Variants in TOX2 observed in about 807,000 individuals in gnomAD.
TOX2 encodes granulosa cell HMG box 1.
TOX2 carries 15 observed loss-of-function variants against 47.4 expected under a neutral mutation model. The ratio of observed to expected loss-of-function variants is 0.32; its 90% CI spans 0.21 to 0.49. The LOEUF is 0.49. Among genes scored for constraint, TOX2 ranks in the 20% least tolerant of loss-of-function variants. The probability of loss-of-function intolerance (pLI) is 0.99; values close to 1 mark genes in which losing one functional copy is unlikely to be tolerated. For missense variants in TOX2, 622 were observed against 673.1 expected (o/e 0.92, Z 0.84); for synonymous variants, 290 against 296.6 (o/e 0.98, Z 0.23).
At chr20:43,977,380 G>C (rs1004599746) in intron 2 of TOX2, among the ~76,000 whole-genome samples, 1 of 152,120 alleles carries the variant, frequency 6.6e-6, no homozygotes, top group Non-Finnish European at 1.5e-5. Context: ...CAAAGTGGTG[G>C]GATTACAGGC....
intron 3 of TOX2, among the ~76,000 whole-genome samples, chr20:44,024,702 A>G (rs577004272): frequency 6.6e-6 from 1 of 152,218 alleles, no homozygotes; most frequent in Non-Finnish European, 1.5e-5. Flanking sequence ...AAACTGCACC[A>G]TCCACAAATA....
At chr20:44,022,058 C>G (rs554212175) in intron 3 of TOX2, among the ~76,000 whole-genome samples, 2 of 152,334 alleles carry the variant, frequency 1.3e-5, no homozygotes, top group East Asian at 3.9e-4. Context: ...GGCCCGTCAC[C>G]CACACATGCG....
At chr20:43,993,051 C>G (rs373421376) in intron 2 of TOX2, among the ~76,000 whole-genome samples, 2 of 152,064 alleles carry the variant, frequency 1.3e-5, no homozygotes, top group South Asian at 2.1e-4. Context: ...GTTCGAGTCC[C>G]CGCTGAATGA....
At position 44,051,389 on chromosome 20, in the gene TOX2, C is replaced by T. The variant is rs1338888873; in HGVS notation, c.495C>T (p.Ala165=). 36 of 1,613,954 alleles carry T rather than the reference C, an allele frequency of 2.2e-5. No individual in the cohort carries two copies. The highest frequency in any genetic ancestry group is 2.9e-5 in the Non-Finnish European group (34 of 1,179,992). Residue 165 remains alanine (A), a synonymous_variant, in exon 4 of 9, where the codon GCC becomes GCT. Coordinates refer to ENST00000341197, the MANE Select transcript of TOX2 (RefSeq NM_001098797.2). ...TGCTGGGTCGCCCGGCAATGCTGGC[C>T]AGCCACATGAGTGCCCTCAGCCAGT... The part of the protein sequence containing the change: ...GPLLGRPAML[A]SHMSALSQSQ...
At chr20:43,939,362 G>A (rs1334146511) in intron 1 of TOX2, among the ~76,000 whole-genome samples, 8 of 152,210 alleles carry the variant, frequency 5.3e-5, no homozygotes, top group African/African-American at 1.7e-4. Context: ...GAGGAGTTGA[G>A]TAAGAAGAAA....
rs77131391 is a variant in TOX2 at position 44,029,625 on chromosome 20, C to T, written c.412-21681C>T. 3.3e-5 allele frequency among the ~76,000 whole-genome samples: 5 copies of T among 152,266 alleles called. No homozygotes were observed. The East Asian group carries it at 7.7e-4, about 24-fold the overall frequency. ...GTGGCAAACCCATGTTCCAGTCACCCGCTTCTGCAGTTAGGATCCCCATGG... is the reference window on the plus strand; with the variant it reads ...GTGGCAAACCCATGTTCCAGTCACCTGCTTCTGCAGTTAGGATCCCCATGG... On this transcript the variant is annotated intron_variant, in intron 3 of 8. Transcript: ENST00000341197.
intron 2 of TOX2, among the ~76,000 whole-genome samples, chr20:43,977,562 G>A (rs1004497538): frequency 1.3e-5 from 2 of 152,026 alleles, no homozygotes; most frequent in African/African-American, 4.8e-5. Context: ...TTTCACCGCC[G>A]CTCTACGGGC....
At chr20:43,973,923 G>A (rs1228205901) in intron 2 of TOX2, among the ~76,000 whole-genome samples, 1 of 152,192 alleles carries the variant, frequency 6.6e-6, no homozygotes, top group Non-Finnish European at 1.5e-5. Flanking sequence ...GGTCTTACTG[G>A]TGGCAAAGGA....
In TOX2 at chr20:43,951,713, T is replaced by G. The variant is rs971444939; in HGVS notation, c.100-21654T>G. ...TTACTATTAAACTTATTATGTTTTT[T>G]TTTTTTTTTTTTTTTAGAGAAAGGG... is the stretch of plus-strand genomic sequence containing the variant. On this transcript the variant is annotated intron_variant, in intron 1 of 8. Transcript: ENST00000341197. Among the ~76,000 whole-genome samples the G allele has an allele frequency of 2.2e-3, 270 of 120,564 alleles. 11 individuals are homozygous for G. Among genetic ancestry groups the G allele is most frequent in the African/African-American group, 8.2e-3 (261 of 31,864 alleles). 79.1% of individuals were successfully genotyped at this position (120,564 alleles called of 152,430 possible).
At position 44,065,928 on chromosome 20, in the gene TOX2, C is replaced by A. The variant is rs778486648; in HGVS notation, c.1177C>A (p.Pro393Thr). The part of the protein sequence containing the change: ...LPGLSASPPP[P>T]PSFPLSPTLH... ...AGGCCTCAGTGCGTCCCCGCCGCCGCCACCCTCCTTCCCGCTCAGCCCCAC... is the reference window on the plus strand; with the variant it reads ...AGGCCTCAGTGCGTCCCCGCCGCCGACACCCTCCTTCCCGCTCAGCCCCAC... The change falls in exon 7 of 9, where the codon CCA becomes ACA. Residue 393 changes from proline (P) to threonine (T), a missense_variant. Coordinates refer to ENST00000341197, the MANE Select transcript of TOX2 (RefSeq NM_001098797.2). 2 of 1,611,726 alleles carry A rather than the reference C, an allele frequency of 1.2e-6. No homozygotes were observed. Among genetic ancestry groups the A allele is most frequent in the East Asian group, 4.5e-5 (2 of 44,842 alleles).
intron 1 of TOX2, among the ~76,000 whole-genome samples, chr20:43,923,575 C>T (rs927721644): frequency 6.6e-5 from 10 of 152,196 alleles, no homozygotes; most frequent in Non-Finnish European, 8.8e-5. Context: ...TAGACTAGAA[C>T]GTGGCAGGAT....
intron 1 of TOX2, among the ~76,000 whole-genome samples, chr20:43,960,955 A>AG (rs745845991): frequency 1.3e-5 from 2 of 152,252 alleles, no homozygotes; most frequent in Non-Finnish European, 2.9e-5. Context: ...AGGCCTAGAA[A>AG]GGGGGAGGCC....
chr20:43,924,997 T>C (rs2069149329), intron 1 of TOX2, among the ~76,000 whole-genome samples: 1 of 151,820 alleles, frequency 6.6e-6, no homozygotes, highest in African/African-American at 2.4e-5. Context: ...TCTGGAATCA[T>C]TTTTTTATTT....
chr20:43,998,720 C>CATCCATCTGTCT (rs769839798), intron 2 of TOX2, among the ~76,000 whole-genome samples: 27 of 60,966 alleles, frequency 4.4e-4, no homozygotes, highest in African/African-American at 1.1e-3. Flanking sequence ...TGGCCTGATA[C>CATCCATCTGTCT]ATCTATCTAT....
At position 44,068,871 on chromosome 20, in the gene TOX2, T is replaced by G; in HGVS notation, c.*185T>G. On this transcript the variant is annotated 3_prime_UTR_variant, in exon 9 of 9. Coordinates refer to ENST00000341197, the MANE Select transcript of TOX2 (RefSeq NM_001098797.2). ...ACCAGACTCTGCAGAGGCAGCCCAC[T>G]GCCCACCACCAGCCCAAAGAACCTG... The G allele has an allele frequency of 1.2e-6, 1 of 813,270 alleles. No individual in the cohort carries two copies. The allele number at this position is 813,270 out of a possible 1,614,324, so 50.4% of individuals were successfully genotyped here. A position where few individuals can be genotyped will look rare whatever the true frequency, so the allele number is the denominator to read the frequency against.
intron 2 of TOX2, among the ~76,000 whole-genome samples, chr20:43,987,948 T>G (rs2070299115): frequency 7.6e-6 from 1 of 131,762 alleles, no homozygotes; most frequent in African/African-American, 3.1e-5. Context: ...GGAGACAGTG[T>G]CTCACTCTGT....
At chr20:43,991,874 C>T (rs1409439997) in intron 2 of TOX2, among the ~76,000 whole-genome samples, 1 of 152,092 alleles carries the variant, frequency 6.6e-6, no homozygotes, top group Admixed American at 6.5e-5. Flanking sequence ...GAACTCCTGA[C>T]CTCAGGTGGT....
chr20:43,970,981 A>T (rs2069954747), intron 1 of TOX2, among the ~76,000 whole-genome samples: 1 of 152,208 alleles, frequency 6.6e-6, no homozygotes, highest in African/African-American at 2.4e-5. Flanking sequence ...GTCAGTGCCC[A>T]AACTCTAGGC....
intron 1 of TOX2, among the ~76,000 whole-genome samples, chr20:43,933,067 G>A (rs1226255551): frequency 1.3e-5 from 2 of 152,198 alleles, no homozygotes; most frequent in Non-Finnish European, 2.9e-5. Flanking sequence ...GTTCACTAGA[G>A]TTTAGAGCTC....
Sources: allele counts gnomAD v4.1 joint callset (sites outside exome capture counted in the v4.1 genomes callset), GRCh38; gene constraint gnomAD v4.1.1; transcripts MANE v1.5; gene names NCBI Gene and HGNC (gene_info 2026-07-23, HGNC 2026-07-21).